Variants in ZBTB16 observed in about 807,000 individuals in gnomAD.
ZBTB16 encodes the protein zinc finger and BTB domain containing 16.
In ZBTB16, 8 loss-of-function variants were observed where a neutral mutation model predicts 56.8. The observed-to-expected ratio is 0.14, with a 90% confidence interval of 0.08 to 0.25. The LOEUF is 0.25. ZBTB16 is among the 10% of genes least tolerant of loss of function. The probability of loss-of-function intolerance (pLI) is 1.00; values close to 1 mark genes in which losing one functional copy is unlikely to be tolerated. For synonymous variants in ZBTB16, 363 were observed against 368.5 expected, an observed-to-expected ratio of 0.98 and a Z score of 0.17; for missense variants, 625 against 903.0, an observed-to-expected ratio of 0.69 and a Z score of 3.95.
intron 2 of ZBTB16, among the ~76,000 whole-genome samples, chr11:114,146,848 CAA>C (rs3057711): frequency 0.51 from 60,435 of 118,744 alleles, 14,540 homozygotes; most frequent in Middle Eastern, 0.65. Context: ...GATTCTGTCT[CAA>C]AAAAAAAAAA....
chr11:114,133,979 A>G (rs1201174981), intron 2 of ZBTB16, among the ~76,000 whole-genome samples: 2 of 152,202 alleles, frequency 1.3e-5, no homozygotes, highest in Non-Finnish European at 1.5e-5. Flanking sequence ...TCTTTTTACC[A>G]GTACCCAAAA....
chr11:114,195,535 C>T (rs1302154305), intron 4 of ZBTB16, among the ~76,000 whole-genome samples: 5 of 152,074 alleles, frequency 3.3e-5, no homozygotes. Flanking sequence ...AAAGTTTGAG[C>T]CCTAACAGAG....
intron 5 of ZBTB16, chr11:114,246,647 G>A (rs544360876): frequency 3.1e-5 from 5 of 161,518 alleles, no homozygotes; most frequent in African/African-American, 1.2e-4. Context: ...GGTATCATAT[G>A]AGCTGGGCTT....
intron 2 of ZBTB16, among the ~76,000 whole-genome samples, chr11:114,139,772 G>A (rs1446968722): frequency 6.6e-6 from 1 of 152,118 alleles, no homozygotes; most frequent in African/African-American, 2.4e-5. Context: ...CAAACAGAGT[G>A]AGTGTCCGGA....
intron 3 of ZBTB16, among the ~76,000 whole-genome samples, chr11:114,157,346 T>G (rs937146972): frequency 6.6e-6 from 1 of 152,244 alleles, no homozygotes; most frequent in Non-Finnish European, 1.5e-5. Context: ...ATTCATCTTG[T>G]GAACCTCAGT....
intron 4 of ZBTB16, among the ~76,000 whole-genome samples, chr11:114,240,330 T>C (rs1017588733): frequency 6.6e-6 from 1 of 152,182 alleles, no homozygotes; most frequent in African/African-American, 2.4e-5. Context: ...GCTATCTCCA[T>C]TGATGGCCAG....
rs569555497 is a variant in ZBTB16 at position 114,063,015 on chromosome 11, C to A, written c.-90-196C>A. Among the ~76,000 whole-genome samples the A allele has an allele frequency of 6.0e-4, 91 of 152,278 alleles. No individual in the cohort carries two copies. Among genetic ancestry groups the A allele is most frequent in the African/African-American group, 2.0e-3 (85 of 41,560 alleles). On this transcript the variant is annotated intron_variant, in intron 1 of 6. Transcript: ENST00000335953. This position sits in a 1 kb window ranked among gnomAD's most constrained non-coding sequence, Gnocchi z 6.5. Reference sequence around the variant, plus strand: ...AGAACCTTCTTTTTACTCTCAGCATCCCTGGCTTGAAAGGCAGATTTGTAG... The same window carrying A: ...AGAACCTTCTTTTTACTCTCAGCATACCTGGCTTGAAAGGCAGATTTGTAG...
intron 2 of ZBTB16, among the ~76,000 whole-genome samples, chr11:114,067,607 A>G (rs572574779): frequency 6.6e-6 from 1 of 152,174 alleles, no homozygotes; most frequent in East Asian, 1.9e-4. Context: ...GGGTTTCACC[A>G]TGTTGGTCAG....
chr11:114,127,876 C>T (rs531715532), intron 2 of ZBTB16, among the ~76,000 whole-genome samples: 1 of 152,064 alleles, frequency 6.6e-6, no homozygotes, highest in South Asian at 2.1e-4. Flanking sequence ...CCCTGGACAG[C>T]GCACCTAAGC....
chr11:114,236,951 T>G (rs1273559654), intron 4 of ZBTB16, among the ~76,000 whole-genome samples: 1 of 152,224 alleles, frequency 6.6e-6, no homozygotes, highest in African/African-American at 2.4e-5. Context: ...GTGGTGTAAC[T>G]CCTCAAAGAT....
chr11:114,118,240 G>A (rs1168056367), intron 2 of ZBTB16, among the ~76,000 whole-genome samples: 1 of 152,118 alleles, frequency 6.6e-6, no homozygotes, highest in East Asian at 1.9e-4. Flanking sequence ...GCAGTGGTGC[G>A]ATCCTGGCTC....
chr11:114,239,752 C>T (rs1944663328), intron 4 of ZBTB16, among the ~76,000 whole-genome samples: 1 of 152,146 alleles, frequency 6.6e-6, no homozygotes, highest in Non-Finnish European at 1.5e-5. Context: ...ATTGCTGGAG[C>T]TGTACTAGAG....
intron 2 of ZBTB16, among the ~76,000 whole-genome samples, chr11:114,115,524 C>T (rs546861227): frequency 3.9e-5 from 6 of 152,162 alleles, no homozygotes; most frequent in African/African-American, 7.2e-5. Context: ...CACATTCCTA[C>T]CCCTAGAGCA....
In ZBTB16 at chr11:114,063,035, T is replaced by G. The variant is rs950737685; in HGVS notation, c.-90-176T>G. Among the ~76,000 whole-genome samples, 2 of 152,194 alleles carry G rather than the reference T, an allele frequency of 1.3e-5. No homozygotes were observed. On this transcript the variant is annotated intron_variant, in intron 1 of 6. Transcript: ENST00000335953. This position sits in a 1 kb window ranked among gnomAD's most constrained non-coding sequence, Gnocchi z 6.5. ...AGCATCCCTGGCTTGAAAGGCAGAT[T>G]TGTAGATTTCTAGGAAGCTACTTCA...
intron 4 of ZBTB16, among the ~76,000 whole-genome samples, chr11:114,201,098 G>T (rs974132567): frequency 6.6e-6 from 1 of 152,182 alleles, no homozygotes. Flanking sequence ...TTTACTGTCA[G>T]CGGGATGGAA....
Position 114,063,942 on chromosome 11 carries a change from G to T in ZBTB16, c.642G>T (p.Leu214=), listed in dbSNP as rs774791112. Residue 214 remains leucine (L), a synonymous_variant, in exon 2 of 7, where the codon CTG becomes CTT. Coordinates refer to ENST00000335953, the MANE Select transcript of ZBTB16 (RefSeq NM_006006.6). This position sits in a 1 kb window ranked among gnomAD's most constrained non-coding sequence, Gnocchi z 6.5. The part of the protein sequence containing the change: ...DSLMTIGQSL[L]QGTLQPPAGP... ...TGATGACCATAGGACAGTCTCTCCT[G>T]CAGGGAACTCTTCAGCCACCTGCAG... 2 of 1,613,852 alleles carry T rather than the reference G, an allele frequency of 1.2e-6. No individual in the cohort carries two copies. Among genetic ancestry groups the T allele is most frequent in the East Asian group, 2.2e-5 (1 of 44,882 alleles).
At chr11:114,212,536 C>T (rs1364571294) in intron 4 of ZBTB16, among the ~76,000 whole-genome samples, 1 of 152,190 alleles carries the variant, frequency 6.6e-6, no homozygotes, top group Non-Finnish European at 1.5e-5. Context: ...GATGAAGAAA[C>T]TGAGCCTTGA....
At chr11:114,139,171 A>G (rs534500469) in intron 2 of ZBTB16, among the ~76,000 whole-genome samples, 20 of 152,318 alleles carry the variant, frequency 1.3e-4, no homozygotes, top group Admixed American at 8.5e-4. Flanking sequence ...GAACAGAGGA[A>G]TTGCTGGAGC....
intron 2 of ZBTB16, among the ~76,000 whole-genome samples, chr11:114,075,629 G>GTA (rs10526570): frequency 0.44 from 61,601 of 140,680 alleles, 14,531 homozygotes; most frequent in East Asian, 0.55. Flanking sequence ...GCTAATTTTT[G>GTA]TATATATATA....
Sources: allele counts gnomAD v4.1 joint callset (sites outside exome capture counted in the v4.1 genomes callset), GRCh38; gene constraint gnomAD v4.1.1; non-coding constraint Gnocchi (gnomAD v3.1); transcripts MANE v1.5; gene names NCBI Gene and HGNC (gene_info 2026-07-23, HGNC 2026-07-21).